The following PIK3AP1 variants were observed in gnomAD, a reference collection of about 807,000 sequenced individuals.
PIK3AP1 encodes phosphoinositide-3-kinase adaptor protein 1, also known as phosphoinositide 3-kinase adapter protein 1.
A neutral mutation model predicts 88.1 loss-of-function variants in PIK3AP1; 21 were observed. That is an observed-to-expected ratio of 0.24 (90% CI 0.17 to 0.34). The LOEUF (loss-of-function observed/expected upper bound fraction) is 0.34, where lower values mean the gene tolerates loss of function less well. Among genes scored for constraint, PIK3AP1 ranks in the 10% least tolerant of loss-of-function variants. The probability of loss-of-function intolerance (pLI) is 1.00; values close to 1 mark genes in which losing one functional copy is unlikely to be tolerated. For missense variants in PIK3AP1, 828 were observed against 1,035.7 expected, an observed-to-expected ratio of 0.80 and a Z score of 2.75; for synonymous variants, 398 against 400.0, an observed-to-expected ratio of 1.00 and a Z score of 0.06.
intron 2 of PIK3AP1, among the ~76,000 whole-genome samples, chr10:96,688,262 C>T (rs996774900): frequency 1.3e-5 from 2 of 152,058 alleles, no homozygotes; most frequent in Non-Finnish European, 2.9e-5. Context: ...CCACCTGAGC[C>T]CTCTAAAGTT....
intron 1 of PIK3AP1, among the ~76,000 whole-genome samples, chr10:96,717,602 T>C (rs1160070606): frequency 2.0e-5 from 3 of 152,194 alleles, no homozygotes; most frequent in Admixed American, 6.5e-5. Flanking sequence ...TCCATGGTCC[T>C]GTAAGTCCAG....
At position 96,690,559 on chromosome 10, in the gene PIK3AP1, C is replaced by A. The variant is rs547922273; in HGVS notation, c.430+19008G>T. Among the ~76,000 whole-genome samples the A allele has an allele frequency of 2.0e-5, 3 of 152,190 alleles. No individual in the cohort carries two copies. The East Asian group carries it at 5.8e-4, about 29-fold the overall frequency. On this transcript the variant is annotated intron_variant, in intron 2 of 16. Coordinates refer to ENST00000339364, the MANE Select transcript of PIK3AP1 (RefSeq NM_152309.3). ...TAGGTGTGAACCATTGCACCCAGCC[C>A]AAAAGTCCAAAATTAAACACTCCCC...
At chr10:96,718,235 A>G (rs913692116) in intron 1 of PIK3AP1, among the ~76,000 whole-genome samples, 4 of 152,258 alleles carry the variant, frequency 2.6e-5, no homozygotes, top group African/African-American at 9.6e-5. Flanking sequence ...TGATGGCTAC[A>G]CATATCTGTA....
At chr10:96,659,451 C>A (rs985416931) in intron 2 of PIK3AP1, among the ~76,000 whole-genome samples, 2 of 152,050 alleles carry the variant, frequency 1.3e-5, no homozygotes, top group Non-Finnish European at 2.9e-5. Context: ...AAGACAAATC[C>A]TTTATTTCTC....
rs145733191 is a variant in PIK3AP1, at chr10:96,718,475, C to A, written c.13+1907G>T. 4.3e-3 allele frequency among the ~76,000 whole-genome samples: 653 copies of A among 152,320 alleles called. 8 individuals carry two copies. Among genetic ancestry groups the A allele is most frequent in the South Asian group, 0.043 (206 of 4,828 alleles). The stretch of plus-strand genomic sequence containing the variant: ...CAGGGAACCCGAGGGACTCCAGAGA[C>A]CCAACTCTCAATTACAGCACCTGGA... On this transcript the variant is annotated intron_variant, in intron 1 of 16. Transcript: ENST00000339364.
chr10:96,645,112 G>C (rs911814236), intron 8 of PIK3AP1, among the ~76,000 whole-genome samples: 1 of 152,096 alleles, frequency 6.6e-6, no homozygotes, highest in Non-Finnish European at 1.5e-5. Flanking sequence ...ATGTAGGTAG[G>C]TTATATAATA....
At chr10:96,666,010 T>C (rs1843755855) in intron 2 of PIK3AP1, among the ~76,000 whole-genome samples, 1 of 152,242 alleles carries the variant, frequency 6.6e-6, no homozygotes, top group Non-Finnish European at 1.5e-5. Context: ...GATTTGCATT[T>C]TATTTATTTT....
chr10:96,598,327 G>A (rs1023868897), intron 16 of PIK3AP1, among the ~76,000 whole-genome samples: 3 of 152,032 alleles, frequency 2.0e-5, no homozygotes, highest in African/African-American at 4.8e-5. Context: ...AAAGTGCTGG[G>A]ATTACAGGCA....
intron 2 of PIK3AP1, among the ~76,000 whole-genome samples, chr10:96,698,947 G>A (rs1589544822): frequency 6.6e-6 from 1 of 152,210 alleles, no homozygotes; most frequent in Middle Eastern, 3.4e-3. Flanking sequence ...GGAGGCCAAG[G>A]TGGGTGGATC....
chr10:96,661,355 A>G (rs1843683349), intron 2 of PIK3AP1, among the ~76,000 whole-genome samples: 1 of 152,198 alleles, frequency 6.6e-6, no homozygotes, highest in African/African-American at 2.4e-5. Flanking sequence ...GTATGATACT[A>G]TACTGGTGGG....
chr10:96,705,888 T>A (rs952004089), intron 2 of PIK3AP1, among the ~76,000 whole-genome samples: 1 of 125,146 alleles, frequency 8.0e-6, no homozygotes. Context: ...CCAGTTGTTT[T>A]TTTTTTTTTT....
intron 2 of PIK3AP1, among the ~76,000 whole-genome samples, chr10:96,694,209 C>T (rs1305203720): frequency 6.6e-6 from 1 of 152,118 alleles, no homozygotes; most frequent in Non-Finnish European, 1.5e-5. Flanking sequence ...TGTTTAGTGT[C>T]CCTCTCCTGC....
In PIK3AP1 at chr10:96,622,123, C is replaced by T. The variant is rs114348650; in HGVS notation, c.1735+1349G>A. Among the ~76,000 whole-genome samples, 454 of 152,320 alleles carry T rather than the reference C, an allele frequency of 3.0e-3. 3 individuals are homozygous for T. Among genetic ancestry groups the T allele is most frequent in the African/African-American group, 7.6e-3 (318 of 41,570 alleles). ...TGTGGACCCATGGGCATGAAATGCCCCAGGAGACTGGAACATCAGTGGAAT... is the reference window on the plus strand; with the variant it reads ...TGTGGACCCATGGGCATGAAATGCCTCAGGAGACTGGAACATCAGTGGAAT... On this transcript the variant is annotated intron_variant, in intron 11 of 16. Transcript: ENST00000339364.
chr10:96,672,933 A>G (rs1843866902), intron 2 of PIK3AP1, among the ~76,000 whole-genome samples: 1 of 152,194 alleles, frequency 6.6e-6, no homozygotes, highest in Non-Finnish European at 1.5e-5. Context: ...GGCACATGTG[A>G]CAGAGATGAC....
intron 2 of PIK3AP1, among the ~76,000 whole-genome samples, chr10:96,664,787 C>T (rs549664945): frequency 6.6e-6 from 1 of 152,290 alleles, no homozygotes; most frequent in East Asian, 1.9e-4. Flanking sequence ...ATTCATTCTG[C>T]AGGGTTATTC....
chr10:96,620,094 T>C (rs1421212258), intron 12 of PIK3AP1, among the ~76,000 whole-genome samples: 3 of 152,154 alleles, frequency 2.0e-5, no homozygotes, highest in African/African-American at 7.2e-5. Context: ...GAGTTAGTGT[T>C]TGTAGTTGAG....
intron 1 of PIK3AP1, among the ~76,000 whole-genome samples, chr10:96,711,297 G>A (rs953967788): frequency 3.3e-5 from 5 of 152,194 alleles, no homozygotes; most frequent in Admixed American, 6.5e-5. Flanking sequence ...AGAATCTTAC[G>A]AGTAGTAAGT....
At position 96,720,330 on chromosome 10, in the gene PIK3AP1, G is replaced by A. The variant is rs964765559; in HGVS notation, c.13+52C>T. On this transcript the variant is annotated intron_variant, in intron 1 of 16. Coordinates refer to ENST00000339364, the MANE Select transcript of PIK3AP1 (RefSeq NM_152309.3). This position sits in a 1 kb window ranked among gnomAD's most constrained non-coding sequence, Gnocchi z 4.6. ...GGGGAGCGCGCCTCAAGGGATGCGGGGTACGAGAGAGGGGCCGGGAGCCCG... is the reference window on the plus strand; with the variant it reads ...GGGGAGCGCGCCTCAAGGGATGCGGAGTACGAGAGAGGGGCCGGGAGCCCG... 9.7e-6 allele frequency: 12 copies of A among 1,242,286 alleles called. No homozygotes were observed. Among genetic ancestry groups the A allele is most frequent in the African/African-American group, 4.7e-5 (3 of 64,396 alleles). The allele number at this position is 1,242,286 out of a possible 1,614,324, so 77.0% of individuals were successfully genotyped here.
chr10:96,652,948 A>T, intron 3 of PIK3AP1, 106 bp from the exon 4 acceptor site: 1 of 1,314,214 alleles, frequency 7.6e-7, no homozygotes, highest in Non-Finnish European at 1.0e-6. Context: ...CCTAGTGAGA[A>T]TCTCTGGGGA....
Sources: allele counts gnomAD v4.1 joint callset (sites outside exome capture counted in the v4.1 genomes callset), GRCh38; gene constraint gnomAD v4.1.1; non-coding constraint Gnocchi (gnomAD v3.1); transcripts MANE v1.5; gene names NCBI Gene and HGNC (gene_info 2026-07-23, HGNC 2026-07-21).